PARP11: variants seen among roughly 807,000 people sequenced by gnomAD.
PARP11 encodes protein mono-ADP-ribosyltransferase PARP11.
A neutral mutation model predicts 42.9 loss-of-function variants in PARP11; 31 were observed. The observed-to-expected ratio is 0.72, with a 90% CI of 0.54 to 0.98. PARP11 has a LOEUF of 0.98. Among genes scored for constraint, PARP11 ranks in the 50% least tolerant of loss-of-function variants. The pLI is 0.00. For missense variants in PARP11, 365 were observed against 413.1 expected, an observed-to-expected ratio of 0.88 and a Z score of 1.01; for synonymous variants, 137 against 127.3, an observed-to-expected ratio of 1.08 and a Z score of -0.51.
chr12:3,862,227 T>A (rs944199563), intron 1 of PARP11, among the ~76,000 whole-genome samples: 1 of 152,128 alleles, frequency 6.6e-6, no homozygotes, highest in East Asian at 1.9e-4. Flanking sequence ...AGTTTTAGAC[T>A]AGATCACTTG....
intron 1 of PARP11, among the ~76,000 whole-genome samples, chr12:3,836,067 ATATG>A (rs1404201426): frequency 6.6e-6 from 1 of 151,844 alleles, no homozygotes; most frequent in East Asian, 1.9e-4. Flanking sequence ...ACACACATAT[ATATG>A]TGTGTGTATA....
At chr12:3,839,838 T>C in intron 1 of PARP11, 1 of 1,135,764 alleles carries the variant, frequency 8.8e-7, no homozygotes, top group Non-Finnish European at 1.3e-6. Flanking sequence ...TATTTAAAAC[T>C]GATGTTAGTA....
intron 1 of PARP11, among the ~76,000 whole-genome samples, chr12:3,853,662 T>C (rs1460760813): frequency 6.6e-6 from 1 of 152,124 alleles, no homozygotes; most frequent in Admixed American, 6.5e-5. Flanking sequence ...ACAAAGAGAC[T>C]TAGATTCCCA....
chr12:3,872,595 T>C (rs1948508293), intron 1 of PARP11: 1 of 984,888 alleles, frequency 1.0e-6, no homozygotes, highest in African/African-American at 1.8e-5. Flanking sequence ...TCTAAGAACA[T>C]ACAGTCCATA....
At chr12:3,833,228 T>C (rs1947684184) in intron 1 of PARP11, among the ~76,000 whole-genome samples, 1 of 152,186 alleles carries the variant, frequency 6.6e-6, no homozygotes, top group South Asian at 2.1e-4. Context: ...TCAAACCTGA[T>C]CTTAAAAGCT....
chr12:3,853,137 CT>C (rs1948126983), intron 1 of PARP11, among the ~76,000 whole-genome samples: 1 of 152,136 alleles, frequency 6.6e-6, no homozygotes, highest in Admixed American at 6.5e-5. Flanking sequence ...GAAGGAAGCA[CT>C]AAACATGGAA....
intron 1 of PARP11, among the ~76,000 whole-genome samples, chr12:3,830,396 G>A (rs1374490687): frequency 6.6e-6 from 1 of 152,112 alleles, no homozygotes; most frequent in Non-Finnish European, 1.5e-5. Context: ...AAGATCAAAT[G>A]CATCTAATTT....
At chr12:3,820,624 G>C (rs1011199344) in intron 6 of PARP11, among the ~76,000 whole-genome samples, 3 of 152,192 alleles carry the variant, frequency 2.0e-5, no homozygotes, top group Non-Finnish European at 2.9e-5. Flanking sequence ...CTCCACTTCA[G>C]AGGGCTGATG....
chr12:3,859,118 T>C (rs1363154538), intron 1 of PARP11, among the ~76,000 whole-genome samples: 20 of 148,978 alleles, frequency 1.3e-4, no homozygotes, highest in Admixed American at 1.3e-3. Flanking sequence ...AAAAGAAAAA[T>C]ATTATATAAA....
Position 3,848,871 on chromosome 12 carries a change from C to T in PARP11, c.19-18853G>A, listed in dbSNP as rs556087088. Among the ~76,000 whole-genome samples the T allele has an allele frequency of 8.6e-5, 13 of 150,790 alleles. No individual in the cohort carries two copies. The South Asian group carries it at 2.7e-3, about 32-fold the overall frequency. On this transcript the variant is annotated intron_variant, in intron 1 of 7. Coordinates refer to ENST00000228820, the MANE Select transcript of PARP11 (RefSeq NM_020367.6). ...ATCAACAAAGTGAAGAAACAAGTCA[C>T]AGAATGGGAGAAAATATGTGCAAAC...
At chr12:3,836,512 C>A (rs7295265) in intron 1 of PARP11, among the ~76,000 whole-genome samples, 27,651 of 151,958 alleles carry the variant, frequency 0.18, 3,262 homozygotes, top group East Asian at 0.51. Context: ...ACTAGGCATT[C>A]GTAATAATCC....
At chr12:3,819,686 A>C (rs375633595) in intron 6 of PARP11, among the ~76,000 whole-genome samples, 5 of 152,118 alleles carry the variant, frequency 3.3e-5, no homozygotes, top group Admixed American at 6.5e-5. Context: ...CCCAGGAAAA[A>C]ATCCAAACCT....
chr12:3,845,763 T>G (rs968667011), intron 1 of PARP11, among the ~76,000 whole-genome samples: 5 of 152,240 alleles, frequency 3.3e-5, no homozygotes, highest in African/African-American at 1.2e-4. Flanking sequence ...AACTAAGGTT[T>G]TGCTACTAGT....
chr12:3,840,380 A>G lies in PARP11; in HGVS notation c.19-10362T>C. 1 of 1,613,866 alleles carries G rather than the reference A, an allele frequency of 6.2e-7. No individual in the cohort carries two copies. On this transcript the variant is annotated intron_variant, in intron 1 of 7. Transcript: ENST00000228820. This position sits in a 1 kb window ranked among gnomAD's most constrained non-coding sequence, Gnocchi z 4.4. ...CAAAATTTCCATTCTGATATGGATTACAGAGGGCCAAAGAATCCAAGCAAG... is the reference window on the plus strand; with the variant it reads ...CAAAATTTCCATTCTGATATGGATTGCAGAGGGCCAAAGAATCCAAGCAAG...
At position 3,840,906 on chromosome 12, in the gene PARP11, T is replaced by A; in HGVS notation, c.19-10888A>T. 6.2e-7 allele frequency: 1 copy of A among 1,602,488 alleles called. No individual in the cohort carries two copies. The highest frequency in any genetic ancestry group is 1.7e-5 in the Admixed American group (1 of 60,020). On this transcript the variant is annotated intron_variant, in intron 1 of 7. Transcript: ENST00000228820. The surrounding 1 kb of genome is among the most constrained non-coding windows in gnomAD (Gnocchi z 4.4). ...CAAATCCAGCTCCCCTTCTAGTTTCTCCAGAGGTACATCTAACTCCTGCAG... is the reference window on the plus strand; with the variant it reads ...CAAATCCAGCTCCCCTTCTAGTTTCACCAGAGGTACATCTAACTCCTGCAG...
At chr12:3,817,421 C>T (rs1478253392) in intron 6 of PARP11, among the ~76,000 whole-genome samples, 3 of 151,976 alleles carry the variant, frequency 2.0e-5, no homozygotes, top group Non-Finnish European at 2.9e-5. Context: ...GCTTTGTATC[C>T]CCACAGCACA....
In PARP11 at chr12:3,840,797, C is replaced by A. The variant is rs540031404; in HGVS notation, c.19-10779G>T. 403 of 1,584,078 alleles carry A rather than the reference C, an allele frequency of 2.5e-4. 11 individuals are homozygous for A. In the South Asian group the frequency reaches 4.4e-3, roughly 17 times the overall value. Reference sequence around the variant, plus strand: ...GAGAATATTACTGATGATAAATATGCAACAGTTTCATCACCATCAAAGTCA... The same window carrying A: ...GAGAATATTACTGATGATAAATATGAAACAGTTTCATCACCATCAAAGTCA... On this transcript the variant is annotated intron_variant, in intron 1 of 7. Coordinates refer to ENST00000228820, the MANE Select transcript of PARP11 (RefSeq NM_020367.6). The surrounding 1 kb of genome is among the most constrained non-coding windows in gnomAD (Gnocchi z 4.4).
chr12:3,870,496 C>T (rs1948456767), intron 1 of PARP11, among the ~76,000 whole-genome samples: 1 of 152,154 alleles, frequency 6.6e-6, no homozygotes, highest in Non-Finnish European at 1.5e-5. Flanking sequence ...TCATTAATGC[C>T]TTTATAATTC....
intron 4 of PARP11, among the ~76,000 whole-genome samples, chr12:3,822,868 ACTC>A (rs925521068): frequency 7.9e-5 from 12 of 152,184 alleles, no homozygotes; most frequent in Admixed American, 2.6e-4. Flanking sequence ...TAAAATCAAA[ACTC>A]CTCAACCATT....
Sources: allele counts gnomAD v4.1 joint callset (sites outside exome capture counted in the v4.1 genomes callset), GRCh38; gene constraint gnomAD v4.1.1; non-coding constraint Gnocchi (gnomAD v3.1); transcripts MANE v1.5; gene names NCBI Gene and HGNC (gene_info 2026-07-23, HGNC 2026-07-21).